MED12: variants seen among roughly 807,000 people sequenced by gnomAD.
MED12 encodes the protein mediator of RNA polymerase II transcription subunit 12.
Under a neutral mutation model 177.7 loss-of-function variants are expected in MED12, and 10 were observed. The observed-to-expected ratio is 0.06, with a 90% confidence interval of 0.03 to 0.10. The LOEUF (loss-of-function observed/expected upper bound fraction) is 0.10, where lower values mean the gene tolerates loss of function less well. Among genes scored for constraint, MED12 ranks in the 10% least tolerant of loss-of-function variants. The pLI is 1.00. For synonymous variants in MED12, 641 were observed against 678.4 expected (o/e 0.94, Z 0.86); for missense variants, 867 against 1,780.8 (o/e 0.49, Z 9.23).
At chrX:71,123,523 T>G (rs770251267) in intron 11 of MED12, 71 bp from the exon 12 acceptor site, 8 of 1,161,741 alleles carry the variant, frequency 6.9e-6, no homozygotes, top group Non-Finnish European at 9.4e-6. Flanking sequence ...GGTGGTAGTT[T>G]AAGGCCTACA....
rs2147818033 is a variant in MED12, at chrX:71,133,290, A to G, written c.4617+78A>G. On this transcript the variant is annotated intron_variant, in intron 33 of 44. Coordinates refer to ENST00000374080, the MANE Select transcript of MED12 (RefSeq NM_005120.3). Reference sequence around the variant, plus strand: ...AGTGCAAAAGCCTCAGGTTGGGGAGAATGGGGGTAAGGATAGAGGCCCCAG... The same window carrying G: ...AGTGCAAAAGCCTCAGGTTGGGGAGGATGGGGGTAAGGATAGAGGCCCCAG... The G allele has an allele frequency of 5.7e-6, 4 of 698,073 alleles. No individual in the cohort carries two copies. In the East Asian group the frequency reaches 1.3e-4, roughly 22 times the overall value. 57.5% of individuals were successfully genotyped at this position (698,073 alleles called of 1,213,427 possible).
At chrX:71,134,975 C>T (rs771886711) in intron 35 of MED12, 117 bp from the exon 36 acceptor site, 40 of 1,151,475 alleles carry the variant, frequency 3.5e-5, no homozygotes, top group Non-Finnish European at 4.2e-5. Flanking sequence ...TTACTCATGC[C>T]GTGAGCATTT....
chrX:71,134,957 T>C, intron 35 of MED12, 109 bp downstream of exon 35: 1 of 1,164,556 alleles, frequency 8.6e-7, no homozygotes, highest in South Asian at 1.8e-5. Flanking sequence ...ACGTCTGCCT[T>C]TTCTTTGTTA....
intron 21 of MED12, 123 bp downstream of exon 21, chrX:71,127,590 G>C: frequency 1.6e-6 from 1 of 622,856 alleles, no homozygotes; most frequent in Non-Finnish European, 2.6e-6. Context: ...TTTGTGGACT[G>C]TGTCCTCCAC....
At chrX:71,141,857 G>C in intron 43 of MED12, 26 bp from the exon 44 acceptor site, 1 of 1,194,262 alleles carries the variant, frequency 8.4e-7, no homozygotes, top group Non-Finnish European at 1.1e-6. Context: ...TTCGACTTCA[G>C]TCTTCCACTT....
In MED12 at chrX:71,137,178, C is replaced by G; in HGVS notation, c.5552-9C>G. Reference sequence around the variant, plus strand: ...AGGAGCCTAGAGGTCAGCCCACTCTCCTTTTCAGGTGGCCCTCGTGTGGAC... The same window carrying G: ...AGGAGCCTAGAGGTCAGCCCACTCTGCTTTTCAGGTGGCCCTCGTGTGGAC... On this transcript the variant is annotated splice_polypyrimidine_tract_variant and intron_variant, in intron 38 of 44. Coordinates refer to ENST00000374080, the MANE Select transcript of MED12 (RefSeq NM_005120.3). 2 of 1,211,468 alleles carry G rather than the reference C, an allele frequency of 1.7e-6. No homozygotes were observed. Among genetic ancestry groups the G allele is most frequent in the African/African-American group, 3.5e-5 (2 of 57,838 alleles).
Position 71,136,466 on chromosome X carries a change from T to A in MED12, c.5211T>A (p.Tyr1737Ter). ...ACCTGAGGCCCCGGCCCCGCGCCTA[T>A]TACCTGGAGCCACTGCCACTGCCCC... ...HTHLRPRPRA[Y>*]YLEPLPLPPE... The change falls in exon 37 of 45, where the codon TAT becomes TAA. Residue 1737 changes from tyrosine to a stop codon, truncating the protein, a stop_gained. Transcript: ENST00000374080. LOFTEE classifies it high-confidence loss of function. 8.3e-7 allele frequency: 1 copy of A among 1,209,336 alleles called. No individual in the cohort carries two copies. The highest frequency in any genetic ancestry group is 2.7e-4 in the Middle Eastern group (1 of 3,719).
rs1339789742 is a variant in MED12, at chrX:71,126,017, C to T, written c.2423-19C>T. On this transcript the variant is annotated intron_variant, in intron 17 of 44. Transcript: ENST00000374080. Reference sequence around the variant, plus strand: ...TTATCTTCCCTGTCTTGACTGGTCCCTTTCAACTGTCCCCTCAGGTGGGGA... The same window carrying T: ...TTATCTTCCCTGTCTTGACTGGTCCTTTTCAACTGTCCCCTCAGGTGGGGA... The T allele has an allele frequency of 2.5e-6, 3 of 1,178,634 alleles. No homozygotes were observed. The South Asian group carries it at 5.3e-5, about 21-fold the overall frequency.
At chrX:71,129,618 T>C in intron 26 of MED12, 62 bp from the exon 27 acceptor site, 2 of 1,147,162 alleles carry the variant, frequency 1.7e-6, no homozygotes, top group Non-Finnish European at 2.3e-6. Context: ...GGGCCCAGGG[T>C]GGGTCTCCAC....
rs968474929 is a variant in MED12, at chrX:71,119,713, G to A, written c.232G>A (p.Ala78Thr). The A allele has an allele frequency of 7.4e-6, 9 of 1,209,727 alleles. No individual in the cohort carries two copies. The Middle Eastern group carries it at 6.9e-4, about 92-fold the overall frequency. ...CAGTTCCAACTTCAGCAGCATTATTGCAGAGAAATTACGTTGTAATACCCT... is the reference window on the plus strand; with the variant it reads ...CAGTTCCAACTTCAGCAGCATTATTACAGAGAAATTACGTTGTAATACCCT... ...KISSNFSSIIAEKLRCNTLPD... is the reference protein window; with the variant it reads ...KISSNFSSIITEKLRCNTLPD... Residue 78 changes from alanine (A) to threonine (T), a missense_variant, in exon 3 of 45, where the codon GCA (alanine) becomes ACA (threonine). Coordinates refer to ENST00000374080, the MANE Select transcript of MED12 (RefSeq NM_005120.3).
chrX:71,123,159 C>G lies in MED12; in HGVS notation c.1550C>G (p.Ser517Cys). The G allele has an allele frequency of 8.3e-7, 1 of 1,211,386 alleles. No homozygotes were observed. Among genetic ancestry groups the G allele is most frequent in the Non-Finnish European group, 1.1e-6 (1 of 895,318 alleles). ...GAATGGGCTGTCAGCTGCAAGCGTT[C>G]TGGTCGGCATCGTGCTATGGTGGTA... ...LCEWAVSCKR[S>C]GRHRAMVVAK... Residue 517 changes from serine (S) to cysteine (C), a missense_variant, in exon 11 of 45, where the codon TCT (serine) becomes TGT (cysteine). By Grantham distance (112) the Ser-to-Cys change is moderately radical. Coordinates refer to ENST00000374080, the MANE Select transcript of MED12 (RefSeq NM_005120.3).
Position 71,118,853 on chromosome X carries a change from G to A in MED12, c.99G>A (p.Glu33=), listed in dbSNP as rs2147767229. The A allele has an allele frequency of 2.5e-6, 3 of 1,206,986 alleles. No homozygotes were observed. ...ACCCTCAGGACCCCAAACAGAAGGA[G>A]GTGCGTTCGAAAATCGGGGCTCTGG... is the stretch of plus-strand genomic sequence containing the variant. ...DVYPQDPKQK[E]DELTALNVKQ... The change falls in exon 1 of 45, where the codon GAG becomes GAA. Residue 33 remains glutamate, a splice_region_variant and synonymous_variant. Coordinates refer to ENST00000374080, the MANE Select transcript of MED12 (RefSeq NM_005120.3).
Position 71,122,326 on chromosome X carries a change from A to G in MED12, c.1228A>G (p.Asn410Asp). Residue 410 changes from asparagine to aspartate, a missense_variant, in exon 8 of 45, where the codon AAC (asparagine) becomes GAC (aspartate). Asn to Asp is a conservative substitution (Grantham distance 23). Transcript: ENST00000374080. ...APSNLPMPEG[N>D]SAFTQQVRAK... The stretch of plus-strand genomic sequence containing the variant: ...GTCCAACCTGCCCATGCCAGAGGGT[A>G]ACAGTGCCTTCACTCAGCAGGTATG... 1 of 1,211,992 alleles carries G rather than the reference A, an allele frequency of 8.3e-7. No individual in the cohort carries two copies. Among genetic ancestry groups the G allele is most frequent in the Non-Finnish European group, 1.1e-6 (1 of 895,512 alleles).
intron 18 of MED12, 82 bp downstream of exon 18, chrX:71,126,236 G>A (rs1276951376): frequency 6.9e-6 from 8 of 1,157,068 alleles, no homozygotes; most frequent in African/African-American, 1.8e-5. Context: ...CTCCCTGCTA[G>A]GCAGGCTAAG....
chrX:71,137,553 T>A lies in MED12; in HGVS notation c.5749-5T>A, dbSNP rs949727987. ...AGTTTGAGTTGTTCTCTTTTCTCCC[T>A]TTAGCAGAGTCAGGGCATGTTGGGA... On this transcript the variant is annotated splice_region_variant and splice_polypyrimidine_tract_variant and intron_variant, in intron 39 of 44. Transcript: ENST00000374080. 1 of 1,205,782 alleles carries A rather than the reference T, an allele frequency of 8.3e-7. No individual in the cohort carries two copies. Among genetic ancestry groups the A allele is most frequent in the African/African-American group, 1.8e-5 (1 of 56,916 alleles).
At chrX:71,134,334 C>G in intron 33 of MED12, 23 bp from the exon 34 acceptor site, 1 of 1,001,919 alleles carries the variant, frequency 1.0e-6, no homozygotes, top group Non-Finnish European at 1.4e-6. Context: ...AGCCATCTGA[C>G]TGACTTGTTG....
chrX:71,131,749 GA>G, intron 29 of MED12, 128 bp downstream of exon 29: 2 of 658,830 alleles, frequency 3.0e-6, no homozygotes, highest in Non-Finnish European at 4.9e-6. Context: ...GAGGGGATGG[GA>G]AAATGGTGAA....
rs58328145 is a variant in MED12, at chrX:71,132,829, T to TCTTCTCTTCTC, written c.4416-16_4416-15insCTTCTCTTCTC. The TCTTCTCTTCTC allele has an allele frequency of 9.5e-7, 1 of 1,048,417 alleles. No homozygotes were observed. Among genetic ancestry groups the TCTTCTCTTCTC allele is most frequent in the Non-Finnish European group, 1.3e-6 (1 of 771,620 alleles). The allele number at this position is 1,048,417 out of a possible 1,213,427, so 86.4% of individuals were successfully genotyped here. On this transcript the variant is annotated splice_polypyrimidine_tract_variant and intron_variant, in intron 31 of 44. Transcript: ENST00000374080. ...TCTTCTCTTCTCTTCTCTTCTCTTC[T>TCTTCTCTTCTC]TTCTCTTGTCTCTAGCATGTCCCTA...
At chrX:71,128,912 T>C in intron 24 of MED12, 194 bp downstream of exon 24, 2 of 583,877 alleles carry the variant, frequency 3.4e-6, no homozygotes, top group Non-Finnish European at 5.6e-6. Context: ...CCCTGACCTT[T>C]CCAATTTCTG....
Sources: allele counts gnomAD v4.1 joint callset, GRCh38; gene constraint gnomAD v4.1.1; transcripts MANE v1.5; gene names NCBI Gene and HGNC (gene_info 2026-07-23, HGNC 2026-07-21).